Variants in MARS2 observed in about 807,000 individuals in gnomAD.
MARS2 encodes the protein methionyl-tRNA synthetase 2, mitochondrial.
Under a neutral mutation model 43.8 loss-of-function variants are expected in MARS2, and 33 were observed. The ratio of observed to expected loss-of-function variants is 0.75; its 90% CI spans 0.57 to 1.01. The LOEUF (loss-of-function observed/expected upper bound fraction) is 1.01. MARS2 is among the 50% of genes least tolerant of loss of function. MARS2 has a pLI of 0.00. For synonymous variants in MARS2, 351 were observed against 325.5 expected (o/e 1.08, Z -0.84); for missense variants, 720 against 763.0 (o/e 0.94, Z 0.66).
At position 197,705,630 on chromosome 2, in the gene MARS2, C is replaced by G; in HGVS notation, c.225C>G (p.His75Gln). The G allele has an allele frequency of 6.2e-7, 1 of 1,611,766 alleles. No homozygotes were observed. The highest frequency in any genetic ancestry group is 8.5e-7 in the Non-Finnish European group (1 of 1,179,822). ...SALLADALCR[H>Q]RRLRGPSTAA... Reference sequence around the variant, plus strand: ...TACTGGCGGACGCCCTATGCCGCCACCGTCGCCTCCGAGGTCCCAGCACGG... The same window carrying G: ...TACTGGCGGACGCCCTATGCCGCCAGCGTCGCCTCCGAGGTCCCAGCACGG... Residue 75 changes from histidine to glutamine, a missense_variant, in exon 1 of 1, where the codon CAC (histidine) becomes CAG (glutamine). Coordinates refer to ENST00000282276, the MANE Select transcript of MARS2 (RefSeq NM_138395.4).
rs1378319220 is a variant in MARS2, at chr2:197,705,542, A to T, written c.137A>T (p.Tyr46Phe). 16 of 1,613,054 alleles carry T rather than the reference A, an allele frequency of 9.9e-6. No homozygotes were observed. The East Asian group carries it at 3.6e-4, about 36-fold the overall frequency. ...GATGATGCTTGTGATGTGCGCGCCT[A>T]CTTCACTACACCCATTTTCTACGTG... ...AGDDACDVRA[Y>F]FTTPIFYVNA... The change falls in exon 1 of 1, where the codon TAC becomes TTC. Residue 46 changes from tyrosine (Y) to phenylalanine (F), a missense_variant. Tyr to Phe is a conservative substitution (Grantham distance 22). Coordinates refer to ENST00000282276, the MANE Select transcript of MARS2 (RefSeq NM_138395.4).
At position 197,706,665 on chromosome 2, in the gene MARS2, C is replaced by A. The variant is rs766499395; in HGVS notation, c.1260C>A (p.Thr420=). Residue 420 remains threonine, a synonymous_variant, in exon 1 of 1, where the codon ACC becomes ACA. Transcript: ENST00000282276. ...CCAAAAGAATAAATCCTTCTGAGAC[C>A]TACCCAGCCTTCTGCACTACCTGCT... ...CTAKRINPSE[T]YPAFCTTCFP... The A allele has an allele frequency of 1.2e-6, 2 of 1,614,074 alleles. No homozygotes were observed. The highest frequency in any genetic ancestry group is 3.3e-5 in the Admixed American group (2 of 60,014).
rs2089472913 is a variant in MARS2, at chr2:197,706,110, C to T, written c.705C>T (p.Pro235=). 1.9e-6 allele frequency: 3 copies of T among 1,614,036 alleles called. No individual in the cohort carries two copies. The highest frequency in any genetic ancestry group is 2.5e-6 in the Non-Finnish European group (3 of 1,180,054). The change falls in exon 1 of 1, where the codon CCC becomes CCT. Residue 235 remains proline (P), a synonymous_variant. Coordinates refer to ENST00000282276, the MANE Select transcript of MARS2 (RefSeq NM_138395.4). The part of the protein sequence containing the change: ...WLRGNPQAIT[P]EPFHHVVLQW... ...GGGGCAACCCTCAGGCGATCACCCC[C>T]GAACCATTTCATCACGTAGTTCTTC...
chr2:197,706,547 A>C lies in MARS2; in HGVS notation c.1142A>C (p.Asn381Thr). 1 of 1,614,218 alleles carries C rather than the reference A, an allele frequency of 6.2e-7. No homozygotes were observed. The highest frequency in any genetic ancestry group is 1.1e-5 in the South Asian group (1 of 91,088). The change falls in exon 1 of 1, where the codon AAC becomes ACC. Residue 381 changes from asparagine (N) to threonine (T), a missense_variant. Coordinates refer to ENST00000282276, the MANE Select transcript of MARS2 (RefSeq NM_138395.4). ...TTTCTCCTTCGGCAGGGCGTCCCCAACTGGGACTGTGACTACTATGATGAA... is the reference window on the plus strand; with the variant it reads ...TTTCTCCTTCGGCAGGGCGTCCCCACCTGGGACTGTGACTACTATGATGAA... ...RYFLLRQGVP[N>T]WDCDYYDEKV... is the part of the protein sequence containing the mutation.
chr2:197,706,794 C>T lies in MARS2; in HGVS notation c.1389C>T (p.His463=), dbSNP rs748904783. The part of the protein sequence containing the change: ...VATLPKQVAD[H]YDNFRIYKAL... ...CTTTGCCAAAGCAGGTAGCAGACCACTATGATAACTTTCGGATATATAAGG... is the reference window on the plus strand; with the variant it reads ...CTTTGCCAAAGCAGGTAGCAGACCATTATGATAACTTTCGGATATATAAGG... The change falls in exon 1 of 1, where the codon CAC becomes CAT. Residue 463 remains histidine (H), a synonymous_variant. Coordinates refer to ENST00000282276, the MANE Select transcript of MARS2 (RefSeq NM_138395.4). 10 of 1,614,148 alleles carry T rather than the reference C, an allele frequency of 6.2e-6. No individual in the cohort carries two copies. In the Admixed American group the frequency reaches 1.7e-4, roughly 27 times the overall value.
chr2:197,706,521 C>T lies in MARS2; in HGVS notation c.1116C>T (p.Tyr372=). The T allele has an allele frequency of 6.2e-7, 1 of 1,614,204 alleles. No individual in the cohort carries two copies. Among genetic ancestry groups the T allele is most frequent in the Admixed American group, 1.7e-5 (1 of 60,026 alleles). ...GCTATACCGTGGATGGCTTCCGCTA[C>T]TTTCTCCTTCGGCAGGGCGTCCCCA... ...LNRYTVDGFR[Y]FLLRQGVPNW... Residue 372 remains tyrosine, a synonymous_variant, in exon 1 of 1, where the codon TAC becomes TAT. Coordinates refer to ENST00000282276, the MANE Select transcript of MARS2 (RefSeq NM_138395.4).
In MARS2 at chr2:197,707,415, G is replaced by A. The variant is rs565535623; in HGVS notation, c.*228G>A. On this transcript the variant is annotated 3_prime_UTR_variant, in exon 1 of 1. Transcript: ENST00000282276. ...CATTGTGTGTCTAAGATGTCTTCAG[G>A]GGAAAGATGGGTAAGAGACAGTGTT... 2.0e-6 allele frequency: 1 copy of A among 511,454 alleles called. No individual in the cohort carries two copies. The highest frequency in any genetic ancestry group is 3.7e-5 in the East Asian group (1 of 26,834). The allele number at this position is 511,454 out of a possible 1,614,324, so 31.7% of individuals were successfully genotyped here. A position where few individuals can be genotyped will look rare whatever the true frequency, so the allele number is the denominator to read the frequency against.
At position 197,705,587 on chromosome 2, in the gene MARS2, G is replaced by T; in HGVS notation, c.182G>T (p.Gly61Val). The change falls in exon 1 of 1, where the codon GGG (glycine) becomes GTG (valine). Residue 61 changes from glycine to valine, a missense_variant. By Grantham distance (109) the Gly-to-Val change is moderately radical (BLOSUM62 -3). Coordinates refer to ENST00000282276, the MANE Select transcript of MARS2 (RefSeq NM_138395.4). ...IFYVNAAPHI[G>V]HLYSALLADA... ...TACGTGAACGCGGCGCCGCACATCG[G>T]GCACCTGTACTCGGCACTACTGGCG... The T allele has an allele frequency of 6.2e-7, 1 of 1,613,176 alleles. No homozygotes were observed. The highest frequency in any genetic ancestry group is 1.1e-5 in the South Asian group (1 of 91,058).
chr2:197,705,369 A>C lies in MARS2; in HGVS notation c.-37A>C. 6.5e-7 allele frequency: 1 copy of C among 1,540,868 alleles called. No homozygotes were observed. Among genetic ancestry groups the C allele is most frequent in the Non-Finnish European group, 8.8e-7 (1 of 1,141,354 alleles). ...GCATGCGCCTCTCACACGTGCTGTC[A>C]GAACGCCGCCTCCTCCGCTTGCGGC... On this transcript the variant is annotated 5_prime_UTR_variant, in exon 1 of 1. Coordinates refer to ENST00000282276, the MANE Select transcript of MARS2 (RefSeq NM_138395.4).
chr2:197,705,610 G>A lies in MARS2; in HGVS notation c.205G>A (p.Ala69Thr). 2 of 1,612,328 alleles carry A rather than the reference G, an allele frequency of 1.2e-6. No homozygotes were observed. Among genetic ancestry groups the A allele is most frequent in the Non-Finnish European group, 1.7e-6 (2 of 1,179,860 alleles). ...CGGGCACCTGTACTCGGCACTACTG[G>A]CGGACGCCCTATGCCGCCACCGTCG... ...HIGHLYSALL[A>T]DALCRHRRLR... The change falls in exon 1 of 1, where the codon GCG becomes ACG. Residue 69 changes from alanine (A) to threonine (T), a missense_variant. Ala to Thr is a moderately conservative substitution (Grantham distance 58, BLOSUM62 0). Coordinates refer to ENST00000282276, the MANE Select transcript of MARS2 (RefSeq NM_138395.4).
Position 197,705,923 on chromosome 2 carries a change from A to G in MARS2, c.518A>G (p.Asp173Gly). Residue 173 changes from aspartate (D) to glycine (G), a missense_variant, in exon 1 of 1, where the codon GAC becomes GGC. Coordinates refer to ENST00000282276, the MANE Select transcript of MARS2 (RefSeq NM_138395.4). The stretch of plus-strand genomic sequence containing the variant: ...TATGAAGGTTGGTATTGCGCTTCCG[A>G]CGAGTGCTTCCTGCCTGAGGCCAAG... ...GVYEGWYCAS[D>G]ECFLPEAKVT... 6.2e-7 allele frequency: 1 copy of G among 1,614,114 alleles called. No individual in the cohort carries two copies. The highest frequency in any genetic ancestry group is 8.5e-7 in the Non-Finnish European group (1 of 1,180,016).
In MARS2 at chr2:197,706,170, G is replaced by A; in HGVS notation, c.765G>A (p.Val255=). Residue 255 remains valine, a synonymous_variant, in exon 1 of 1, where the codon GTG becomes GTA. Coordinates refer to ENST00000282276, the MANE Select transcript of MARS2 (RefSeq NM_138395.4). Reference sequence around the variant, plus strand: ...ACGAGGAGCTGCCCGACCTGTCCGTGTCTCGCAGAAGTAGCCACTTGCACT... The same window carrying A: ...ACGAGGAGCTGCCCGACCTGTCCGTATCTCGCAGAAGTAGCCACTTGCACT... The part of the protein sequence containing the change: ...WLDEELPDLS[V]SRRSSHLHWG... 1 of 1,614,230 alleles carries A rather than the reference G, an allele frequency of 6.2e-7. No homozygotes were observed. The highest frequency in any genetic ancestry group is 1.1e-5 in the South Asian group (1 of 91,090).
rs1296600426 is a variant in MARS2, at chr2:197,705,594, G to A, written c.189G>A (p.Leu63=). Residue 63 remains leucine (L), a synonymous_variant, in exon 1 of 1, where the codon CTG becomes CTA. Coordinates refer to ENST00000282276, the MANE Select transcript of MARS2 (RefSeq NM_138395.4). ...YVNAAPHIGH[L]YSALLADALC... is the part of the protein sequence containing the mutation. ...ACGCGGCGCCGCACATCGGGCACCT[G>A]TACTCGGCACTACTGGCGGACGCCC... 1 of 1,613,152 alleles carries A rather than the reference G, an allele frequency of 6.2e-7. No homozygotes were observed. Among genetic ancestry groups the A allele is most frequent in the South Asian group, 1.1e-5 (1 of 91,062 alleles).
At position 197,706,113 on chromosome 2, in the gene MARS2, A is replaced by C. The variant is rs1314119114; in HGVS notation, c.708A>C (p.Glu236Asp). The C allele has an allele frequency of 1.9e-6, 3 of 1,614,090 alleles. No individual in the cohort carries two copies. The highest frequency in any genetic ancestry group is 2.5e-6 in the Non-Finnish European group (3 of 1,180,032). The change falls in exon 1 of 1, where the codon GAA (glutamate) becomes GAC (aspartate). Residue 236 changes from glutamate (E) to aspartate (D), a missense_variant. Glu to Asp is a conservative substitution (Grantham distance 45). Transcript: ENST00000282276. Reference sequence around the variant, plus strand: ...GCAACCCTCAGGCGATCACCCCCGAACCATTTCATCACGTAGTTCTTCAGT... The same window carrying C: ...GCAACCCTCAGGCGATCACCCCCGACCCATTTCATCACGTAGTTCTTCAGT... ...LRGNPQAITP[E>D]PFHHVVLQWL...
chr2:197,706,448 T>C lies in MARS2; in HGVS notation c.1043T>C (p.Met348Thr). 1.2e-6 allele frequency: 2 copies of C among 1,613,938 alleles called. No individual in the cohort carries two copies. Among genetic ancestry groups the C allele is most frequent in the Non-Finnish European group, 1.7e-6 (2 of 1,180,036 alleles). Residue 348 changes from methionine to threonine, a missense_variant, in exon 1 of 1, where the codon ATG becomes ACG. Coordinates refer to ENST00000282276, the MANE Select transcript of MARS2 (RefSeq NM_138395.4). ...HSHWTVCGQK[M>T]SKSLGNVVDP... ...CACTGGACAGTCTGTGGCCAAAAGA[T>C]GTCCAAGAGCTTGGGCAACGTGGTG...
rs1240772590 is a variant in MARS2 at position 197,705,631 on chromosome 2, C to A, written c.226C>A (p.Arg76Ser). 6.2e-7 allele frequency: 1 copy of A among 1,611,626 alleles called. No individual in the cohort carries two copies. Among genetic ancestry groups the A allele is most frequent in the Non-Finnish European group, 8.5e-7 (1 of 1,179,836 alleles). The part of the protein sequence containing the change: ...ALLADALCRH[R>S]RLRGPSTAAT... ...ACTGGCGGACGCCCTATGCCGCCAC[C>A]GTCGCCTCCGAGGTCCCAGCACGGC... The change falls in exon 1 of 1, where the codon CGT (arginine) becomes AGT (serine). Residue 76 changes from arginine to serine, a missense_variant. By Grantham distance (110) the Arg-to-Ser change is moderately radical. Transcript: ENST00000282276.
Position 197,705,564 on chromosome 2 carries a change from C to G in MARS2, c.159C>G (p.Tyr53Ter), listed in dbSNP as rs762469580. The G allele has an allele frequency of 6.2e-7, 1 of 1,613,324 alleles. No homozygotes were observed. The highest frequency in any genetic ancestry group is 8.5e-7 in the Non-Finnish European group (1 of 1,179,980). The change falls in exon 1 of 1, where the codon TAC becomes TAG. Residue 53 changes from tyrosine (Y) to a stop codon, truncating the protein, a stop_gained. Coordinates refer to ENST00000282276, the MANE Select transcript of MARS2 (RefSeq NM_138395.4). LOFTEE classifies it high-confidence loss of function. ...CCTACTTCACTACACCCATTTTCTA[C>G]GTGAACGCGGCGCCGCACATCGGGC... The part of the protein sequence containing the change: ...VRAYFTTPIF[Y>*]VNAAPHIGHL...
At position 197,706,268 on chromosome 2, in the gene MARS2, C is replaced by G. The variant is rs1366708411; in HGVS notation, c.863C>G (p.Thr288Ser). 3.1e-6 allele frequency: 5 copies of G among 1,614,116 alleles called. No homozygotes were observed. In the African/African-American group the frequency reaches 5.3e-5, roughly 17 times the overall value. The change falls in exon 1 of 1, where the codon ACT (threonine) becomes AGT (serine). Residue 288 changes from threonine (T) to serine (S), a missense_variant. By Grantham distance (58) the Thr-to-Ser change is moderately conservative (BLOSUM62 1). Transcript: ENST00000282276. ...CTGGATGCCCTGGTCAACTACCTCA[C>G]TGTAATTGGCTACCCAAATGCTGAG... is the stretch of plus-strand genomic sequence containing the variant. ...VWLDALVNYL[T>S]VIGYPNAEFK...
Position 197,707,276 on chromosome 2 carries a change from T to G in MARS2, c.*89T>G. On this transcript the variant is annotated 3_prime_UTR_variant, in exon 1 of 1. Coordinates refer to ENST00000282276, the MANE Select transcript of MARS2 (RefSeq NM_138395.4). ...CAGGAAAGTTATACTAGTATTTTCT[T>G]AAGTGTGGAATCAAATGAGCACATA... 1 of 1,232,320 alleles carries G rather than the reference T, an allele frequency of 8.1e-7. No individual in the cohort carries two copies. The allele number at this position is 1,232,320 out of a possible 1,614,324, so 76.3% of individuals were successfully genotyped here.
Sources: allele counts gnomAD v4.1 joint callset, GRCh38; gene constraint gnomAD v4.1.1; transcripts MANE v1.5; gene names NCBI Gene and HGNC (gene_info 2026-07-23, HGNC 2026-07-21).